Variants in GNG2 observed in about 807,000 individuals in gnomAD.
The protein encoded by GNG2 is G protein subunit gamma 2.
GNG2 carries 5 observed loss-of-function variants against 5.5 expected under a neutral mutation model. The ratio of observed to expected loss-of-function variants is 0.91; its 90% CI spans 0.48 to 1.92. The LOEUF is 1.92. GNG2 is among the 30% of genes most tolerant of loss of function. The probability of loss-of-function intolerance (pLI) is 0.01; values close to 1 mark genes in which losing one functional copy is unlikely to be tolerated. For missense variants in GNG2, 55 were observed against 88.4 expected (o/e 0.62, Z 1.52); for synonymous variants, 28 against 32.0 (o/e 0.88, Z 0.42).
intron 2 of GNG2, among the ~76,000 whole-genome samples, chr14:51,906,057 G>T (rs868404219): frequency 7.2e-5 from 11 of 152,220 alleles, no homozygotes; most frequent in Non-Finnish European, 1.3e-4. Context: ...AACTGAAACA[G>T]ATAGCATTTT....
chr14:51,951,978 G>T, intron 3 of GNG2: 1 of 683,540 alleles, frequency 1.5e-6, no homozygotes, highest in Non-Finnish European at 2.6e-6. Flanking sequence ...ACCAATTACC[G>T]AACCACACCC....
At chr14:51,876,799 C>T (rs538330521) in intron 1 of GNG2, among the ~76,000 whole-genome samples, 1 of 152,044 alleles carries the variant, frequency 6.6e-6, no homozygotes, top group African/African-American at 2.4e-5. Flanking sequence ...GCCCTAGAAC[C>T]CCTTGCGAAT....
intron 2 of GNG2, among the ~76,000 whole-genome samples, chr14:51,930,037 T>C (rs1234455357): frequency 6.6e-6 from 1 of 152,206 alleles, no homozygotes; most frequent in Non-Finnish European, 1.5e-5. Flanking sequence ...CCACTCCCTC[T>C]CTGTAAGGTG....
At position 51,887,281 on chromosome 14, in the gene GNG2, G is replaced by A. The variant is rs74752161; in HGVS notation, c.-30+9624G>A. On this transcript the variant is annotated intron_variant, in intron 2 of 3. Transcript: ENST00000556766. ...AGATAGCCACCTTCTTGGGCCTCCC[G>A]ACATCAAAGGAAATGACTATTATCC... 8.7e-3 allele frequency among the ~76,000 whole-genome samples: 1,322 copies of A among 152,276 alleles called. 25 individuals are homozygous for A. The highest frequency in any genetic ancestry group is 0.03 in the African/African-American group (1,246 of 41,536).
At chr14:51,946,368 AAG>A (rs1310803877) in intron 2 of GNG2, among the ~76,000 whole-genome samples, 4 of 152,202 alleles carry the variant, frequency 2.6e-5, no homozygotes, top group African/African-American at 9.7e-5. Context: ...AAGTGGAAGA[AAG>A]AGAATATCTT....
chr14:51,830,281 T>G (rs1469121072), intron 2 of GNG2, among the ~76,000 whole-genome samples: 1 of 152,192 alleles, frequency 6.6e-6, no homozygotes, highest in Non-Finnish European at 1.5e-5. Flanking sequence ...AATACTGGAG[T>G]GCCTCAGAAC....
intron 2 of GNG2, among the ~76,000 whole-genome samples, chr14:51,906,293 C>T (rs1594898584): frequency 6.6e-6 from 1 of 152,296 alleles, no homozygotes; most frequent in East Asian, 1.9e-4. Context: ...GGAATGAAGA[C>T]ATTGTGATAC....
At chr14:51,885,410 A>G (rs1884380276) in intron 2 of GNG2, among the ~76,000 whole-genome samples, 1 of 152,166 alleles carries the variant, frequency 6.6e-6, no homozygotes, top group Non-Finnish European at 1.5e-5. Flanking sequence ...GAGCCATCTG[A>G]TGTTATACAG....
chr14:51,885,314 G>GTGT, intron 2 of GNG2, among the ~76,000 whole-genome samples: 1 of 152,034 alleles, frequency 6.6e-6, no homozygotes, highest in East Asian at 1.9e-4. Context: ...ATGTAGGATG[G>GTGT]TATTCACTGA....
In GNG2 at chr14:51,968,146, T is replaced by G. The variant is rs1890027790; in HGVS notation, c.*1459T>G. On this transcript the variant is annotated 3_prime_UTR_variant, in exon 4 of 4. Coordinates refer to ENST00000556766, the MANE Select transcript of GNG2 (RefSeq NM_053064.5). ...AAATTCCTTGCAACTAGAGCGCTCC[T>G]TCCCCAAGATATGGTAGTGAGAGTA... 6.6e-6 allele frequency: 1 copy of G among 152,102 alleles called. No individual in the cohort carries two copies. The highest frequency in any genetic ancestry group is 1.5e-5 in the Non-Finnish European group (1 of 67,996). 9.4% of individuals were successfully genotyped at this position (152,102 alleles called of 1,614,324 possible).
At chr14:51,933,126 A>G (rs1241116302) in intron 2 of GNG2, among the ~76,000 whole-genome samples, 1 of 152,234 alleles carries the variant, frequency 6.6e-6, no homozygotes, top group African/African-American at 2.4e-5. Flanking sequence ...ATTTTGGCTC[A>G]GTGAAGCTGA....
chr14:51,957,142 TCA>T (rs1470430197), intron 3 of GNG2, among the ~76,000 whole-genome samples: 1 of 140,022 alleles, frequency 7.1e-6, no homozygotes, highest in Admixed American at 6.9e-5. Context: ...GTGAAGTCCT[TCA>T]CTTGTGCAGT....
intron 2 of GNG2, chr14:51,939,943 C>G (rs1888218710): frequency 6.6e-6 from 1 of 152,240 alleles, no homozygotes; most frequent in Non-Finnish European, 1.5e-5. Context: ...ATGTGCTGAC[C>G]TAATCTAAGC....
intron 3 of GNG2, among the ~76,000 whole-genome samples, chr14:51,961,176 T>A (rs371078195): frequency 1.1e-4 from 16 of 152,338 alleles, no homozygotes; most frequent in African/African-American, 3.6e-4. Flanking sequence ...TATTTCTTCA[T>A]ATATTCTGCC....
At chr14:51,852,307 T>C (rs1881944808) in intron 2 of GNG2, among the ~76,000 whole-genome samples, 1 of 152,216 alleles carries the variant, frequency 6.6e-6, no homozygotes, top group Non-Finnish European at 1.5e-5. Flanking sequence ...CTAAAATGAA[T>C]CTCTGGACCT....
chr14:51,918,445 T>C (rs1228755441), intron 2 of GNG2: 1 of 151,590 alleles, frequency 6.6e-6, no homozygotes, highest in African/African-American at 2.4e-5. Flanking sequence ...CGGCAAAGGG[T>C]TGAATCCACA....
chr14:51,891,544 C>T (rs958430827), intron 2 of GNG2, among the ~76,000 whole-genome samples: 2 of 152,178 alleles, frequency 1.3e-5, no homozygotes, highest in African/African-American at 4.8e-5. Context: ...CTCCTGTATG[C>T]TTCTCTCCAA....
intron 2 of GNG2, among the ~76,000 whole-genome samples, chr14:51,881,003 A>G (rs148978172): frequency 2.7e-5 from 4 of 150,794 alleles, no homozygotes; most frequent in African/African-American, 9.7e-5. Flanking sequence ...GAGATTCAGA[A>G]CTGAGAAGCA....
chr14:51,874,546 C>T (rs1024873203), intron 1 of GNG2, among the ~76,000 whole-genome samples: 2 of 151,316 alleles, frequency 1.3e-5, no homozygotes, highest in Non-Finnish European at 2.9e-5. Flanking sequence ...GCTTGGGCAA[C>T]GTAGAGACAC....
Sources: allele counts gnomAD v4.1 joint callset (sites outside exome capture counted in the v4.1 genomes callset), GRCh38; gene constraint gnomAD v4.1.1; transcripts MANE v1.5; gene names NCBI Gene and HGNC (gene_info 2026-07-23, HGNC 2026-07-21).